The following GNAI1 variants were observed in gnomAD, a reference collection of about 807,000 sequenced individuals.
GNAI1 encodes the protein guanine nucleotide-binding protein G(i) subunit alpha-1.
GNAI1 carries 11 observed loss-of-function variants against 38.9 expected under a neutral mutation model. The observed-to-expected ratio is 0.28, with a 90% CI of 0.18 to 0.47. GNAI1 has a LOEUF of 0.47. GNAI1 is among the 20% of genes least tolerant of loss of function. The pLI, the probability that GNAI1 is intolerant of heterozygous loss-of-function variation, is 0.99. For missense variants in GNAI1, 317 were observed against 436.9 expected (o/e 0.73, Z 2.45); for synonymous variants, 166 against 145.1 (o/e 1.14, Z -1.04).
At chr7:80,182,043 T>C (rs1423478434) in intron 1 of GNAI1, among the ~76,000 whole-genome samples, 1 of 152,136 alleles carries the variant, frequency 6.6e-6, no homozygotes, top group Non-Finnish European at 1.5e-5. Context: ...CCCTTCAGTT[T>C]CCCCAGCTAA....
At chr7:80,150,519 C>T (rs377168587) in intron 1 of GNAI1, among the ~76,000 whole-genome samples, 8 of 152,194 alleles carry the variant, frequency 5.3e-5, no homozygotes, top group African/African-American at 1.9e-4. Flanking sequence ...GGTACAAACA[C>T]ATAAAGGAAA....
intron 1 of GNAI1, among the ~76,000 whole-genome samples, chr7:80,142,711 T>C (rs12706644): frequency 0.05 from 7,617 of 152,274 alleles, 222 homozygotes; most frequent in Middle Eastern, 0.092. Flanking sequence ...TTGGGTATTT[T>C]GAGTGAATTT....
chr7:80,204,921 AT>A (rs1478145125), intron 5 of GNAI1, among the ~76,000 whole-genome samples: 1 of 56,780 alleles, frequency 1.8e-5, no homozygotes, highest in Non-Finnish European at 3.5e-5. Context: ...TTAAAAAAAT[AT>A]TTAAAAATAC....
In GNAI1 at chr7:80,221,938, C is replaced by A. The variant is rs568741511; in HGVS notation, c.*4445C>A. ...TACAGACGTGAGCCACTGCGCCCAG[C>A]CAGTTTTCTTTTTTAGTTCTTTTCA... is the stretch of plus-strand genomic sequence containing the variant. On this transcript the variant is annotated 3_prime_UTR_variant, in exon 8 of 8. Coordinates refer to ENST00000649796, the MANE Select transcript of GNAI1 (RefSeq NM_002069.6). Among the ~76,000 whole-genome samples the A allele has an allele frequency of 2.0e-5, 3 of 152,134 alleles. No homozygotes were observed. In the East Asian group the frequency reaches 5.8e-4, roughly 29 times the overall value.
chr7:80,145,666 A>G (rs899984372), intron 1 of GNAI1, among the ~76,000 whole-genome samples: 15 of 152,056 alleles, frequency 9.9e-5, no homozygotes, highest in Admixed American at 4.6e-4. Flanking sequence ...TTTTCATTAT[A>G]TTGTACCTAT....
chr7:80,217,549 A>T lies in GNAI1; in HGVS notation c.*56A>T. 2 of 990,402 alleles carry T rather than the reference A, an allele frequency of 2.0e-6. No homozygotes were observed. The highest frequency in any genetic ancestry group is 3.0e-6 in the Non-Finnish European group (2 of 657,830). 61.4% of individuals were successfully genotyped at this position (990,402 alleles called of 1,614,324 possible). ...AAACCAAATGAGTACTTATATATGG[A>T]TCTCTGTAGACTAGAGTCTTGCAGC... On this transcript the variant is annotated 3_prime_UTR_variant, in exon 8 of 8. Transcript: ENST00000649796.
rs371852000 is a variant in GNAI1 at position 80,221,154 on chromosome 7, C to G, written c.*3661C>G. Among the ~76,000 whole-genome samples, 2 of 152,118 alleles carry G rather than the reference C, an allele frequency of 1.3e-5. No individual in the cohort carries two copies. Among genetic ancestry groups the G allele is most frequent in the Non-Finnish European group, 2.9e-5 (2 of 68,032 alleles). ...GTGAAAATCCTAGGCTCTGGCACCC[C>G]GTCTGGCTTCAAATCCTGGCTCAAT... On this transcript the variant is annotated 3_prime_UTR_variant, in exon 8 of 8. Transcript: ENST00000649796.
At chr7:80,177,024 CTTTTT>C (rs569135086) in intron 1 of GNAI1, among the ~76,000 whole-genome samples, 4 of 61,178 alleles carry the variant, frequency 6.5e-5, no homozygotes, top group African/African-American at 2.0e-4. Context: ...GACAGCATAT[CTTTTT>C]TTTTTTTTTT....
intron 1 of GNAI1, among the ~76,000 whole-genome samples, chr7:80,187,666 A>G (rs1241708790): frequency 6.6e-6 from 1 of 152,168 alleles, no homozygotes; most frequent in Non-Finnish European, 1.5e-5. Context: ...CTAAAATGAA[A>G]TGAAAATATA....
intron 1 of GNAI1, among the ~76,000 whole-genome samples, chr7:80,172,451 A>G (rs1283900554): frequency 6.6e-6 from 1 of 152,212 alleles, no homozygotes; most frequent in Non-Finnish European, 1.5e-5. Context: ...GGGAACTTCT[A>G]AAAACAAAAT....
At chr7:80,164,507 G>A (rs1012749544) in intron 1 of GNAI1, among the ~76,000 whole-genome samples, 5 of 151,642 alleles carry the variant, frequency 3.3e-5, no homozygotes, top group Admixed American at 6.6e-5. Flanking sequence ...GACTACAGGC[G>A]CCCACCACCA....
At chr7:80,200,382 T>G (rs1170216575) in intron 4 of GNAI1, among the ~76,000 whole-genome samples, 1 of 136,402 alleles carries the variant, frequency 7.3e-6, no homozygotes, top group Non-Finnish European at 1.6e-5. Flanking sequence ...GTGATCTCCA[T>G]AGAACAACAC....
Position 80,188,849 on chromosome 7 carries a change from A to C in GNAI1, c.119-102A>C, listed in dbSNP as rs966674330. ...CTCTAAGAGGTAGACACACAGAGAGAGACTGGGTGTGTGTGTGTGTGTGTG... is the reference window on the plus strand; with the variant it reads ...CTCTAAGAGGTAGACACACAGAGAGCGACTGGGTGTGTGTGTGTGTGTGTG... On this transcript the variant is annotated intron_variant, in intron 1 of 7. Coordinates refer to ENST00000649796, the MANE Select transcript of GNAI1 (RefSeq NM_002069.6). The C allele has an allele frequency of 4.0e-6, 3 of 750,630 alleles. No individual in the cohort carries two copies. The African/African-American group carries it at 5.3e-5, about 13-fold the overall frequency. The allele number at this position is 750,630 out of a possible 1,614,324, so 46.5% of individuals were successfully genotyped here.
intron 3 of GNAI1, among the ~76,000 whole-genome samples, chr7:80,192,522 C>G (rs1195846900): frequency 6.6e-6 from 1 of 152,116 alleles, no homozygotes; most frequent in Non-Finnish European, 1.5e-5. Flanking sequence ...CTGTCACTTA[C>G]TAAGCTATTC....
Position 80,175,366 on chromosome 7 carries a change from G to A in GNAI1, c.119-13585G>A, listed in dbSNP as rs1026847201. 1.3e-5 allele frequency among the ~76,000 whole-genome samples: 2 copies of A among 148,168 alleles called. 1 individual carries two copies. Among genetic ancestry groups the A allele is most frequent in the South Asian group, 4.2e-4 (2 of 4,760 alleles). On this transcript the variant is annotated intron_variant, in intron 1 of 7. Transcript: ENST00000649796. ...AAAAAATATATATGTGTATATTTAT[G>A]TGTGTGTGTGTGTGTGTGTATAAAA...
intron 1 of GNAI1, among the ~76,000 whole-genome samples, chr7:80,160,104 T>A (rs1204114516): frequency 6.6e-6 from 1 of 152,134 alleles, no homozygotes; most frequent in African/African-American, 2.4e-5. Flanking sequence ...TTAAAGCCTC[T>A]CTGGGAAGAT....
At chr7:80,217,198 C>CTGTATGACACTGACTTCAGTTTCATA in intron 7 of GNAI1, 105 bp from the exon 8 acceptor site, 1 of 478,782 alleles carries the variant, frequency 2.1e-6, no homozygotes, top group South Asian at 4.8e-5. Context: ...ATGAATGAAA[C>CTGTATGACACTGACTTCAGTTTCATA]TGTATGAAAC....
chr7:80,137,149 G>A (rs1469987189), intron 1 of GNAI1, among the ~76,000 whole-genome samples: 1 of 151,748 alleles, frequency 6.6e-6, no homozygotes, highest in African/African-American at 2.4e-5. Flanking sequence ...CACTGTTCTA[G>A]ATTAAGACTT....
intron 1 of GNAI1, among the ~76,000 whole-genome samples, chr7:80,159,214 GCTTA>G (rs909798996): frequency 2.6e-5 from 4 of 152,110 alleles, no homozygotes; most frequent in Non-Finnish European, 5.9e-5. Flanking sequence ...TTTTGGGGGG[GCTTA>G]CTTGTTTGTT....
Sources: gnomAD v4.1 joint callset for allele counts (sites outside exome capture counted in the v4.1 genomes callset) on GRCh38, gnomAD v4.1.1 for gene constraint, MANE v1.5 for transcripts, NCBI Gene and HGNC (gene_info 2026-07-23, HGNC 2026-07-21) for gene names.